Variants in EXOC4 observed in about 807,000 individuals in gnomAD.
EXOC4 encodes the protein exocyst complex component 4.
EXOC4 carries 71 observed loss-of-function variants against 107.2 expected under a neutral mutation model. The observed-to-expected ratio is 0.66, with a 90% CI of 0.55 to 0.81. The LOEUF (loss-of-function observed/expected upper bound fraction) is 0.81. EXOC4 is among the 30% of genes least tolerant of loss of function. The pLI is 0.00. For missense variants in EXOC4, 1,108 were observed against 1,189.6 expected (o/e 0.93, Z 1.01); for synonymous variants, 456 against 441.2 (o/e 1.03, Z -0.42).
At chr7:134,037,094 G>T (rs1231924921) in intron 17 of EXOC4, among the ~76,000 whole-genome samples, 1 of 152,128 alleles carries the variant, frequency 6.6e-6, no homozygotes, top group East Asian at 1.9e-4. Context: ...TGAAAAGTGA[G>T]TCAAATTAGG....
intron 17 of EXOC4, among the ~76,000 whole-genome samples, chr7:134,013,439 CATG>C (rs1231065867): frequency 6.6e-6 from 1 of 152,126 alleles, no homozygotes; most frequent in African/African-American, 2.4e-5. Flanking sequence ...GCCTAGGAGA[CATG>C]ATGACTAAAA....
intron 10 of EXOC4, among the ~76,000 whole-genome samples, chr7:133,799,106 A>G (rs552782827): frequency 2.2e-4 from 34 of 152,338 alleles, no homozygotes; most frequent in Admixed American, 1.8e-3. Flanking sequence ...ATGATTACCT[A>G]TGAAAATTGC....
chr7:133,895,580 C>G lies in EXOC4; in HGVS notation c.1735-19C>G. On this transcript the variant is annotated intron_variant, in intron 11 of 17. Transcript: ENST00000253861. ...TGACTACAGAAATCTCATATCCTCT[C>G]TTTGTTGTTCATTTCCAGAGCACAA... 6.2e-7 allele frequency: 1 copy of G among 1,612,474 alleles called. No homozygotes were observed. The highest frequency in any genetic ancestry group is 8.5e-7 in the Non-Finnish European group (1 of 1,178,904).
intron 10 of EXOC4, among the ~76,000 whole-genome samples, chr7:133,708,208 A>G (rs1022882540): frequency 2.0e-5 from 3 of 152,242 alleles, no homozygotes; most frequent in Non-Finnish European, 2.9e-5. Flanking sequence ...ATACAGAAAA[A>G]TAGGAATTCT....
intron 11 of EXOC4, among the ~76,000 whole-genome samples, chr7:133,830,819 G>A (rs562196636): frequency 1.3e-5 from 2 of 152,196 alleles, no homozygotes; most frequent in African/African-American, 2.4e-5. Context: ...CTTATTTTGC[G>A]TATATGTGTG....
At chr7:133,460,982 A>T (rs1461331774) in intron 7 of EXOC4, among the ~76,000 whole-genome samples, 1 of 152,202 alleles carries the variant, frequency 6.6e-6, no homozygotes, top group African/African-American at 2.4e-5. Flanking sequence ...TGCCAAGTCC[A>T]AATAATCATC....
intron 7 of EXOC4, among the ~76,000 whole-genome samples, chr7:133,455,207 C>A (rs1798435768): frequency 6.6e-6 from 1 of 152,244 alleles, no homozygotes; most frequent in Non-Finnish European, 1.5e-5. Context: ...GTGAGTTATA[C>A]TCTTTCTTAA....
chr7:133,527,368 C>T (rs1346369964), intron 9 of EXOC4, among the ~76,000 whole-genome samples: 1 of 152,068 alleles, frequency 6.6e-6, no homozygotes, highest in African/African-American at 2.4e-5. Flanking sequence ...TGCGCCCCTG[C>T]ACTCTAGCCT....
At chr7:133,787,534 A>G (rs1293209368) in intron 10 of EXOC4, among the ~76,000 whole-genome samples, 1 of 152,000 alleles carries the variant, frequency 6.6e-6, no homozygotes, top group African/African-American at 2.4e-5. Context: ...TTGACCTTCT[A>G]TAATAAAATA....
chr7:133,648,074 C>T (rs1276237860), intron 10 of EXOC4, among the ~76,000 whole-genome samples: 1 of 152,116 alleles, frequency 6.6e-6, no homozygotes, highest in Non-Finnish European at 1.5e-5. Flanking sequence ...TAATATAGGT[C>T]TAATTACTCG....
intron 12 of EXOC4, among the ~76,000 whole-genome samples, chr7:133,914,961 A>G (rs1346213958): frequency 6.6e-6 from 1 of 152,262 alleles, no homozygotes; most frequent in African/African-American, 2.4e-5. Flanking sequence ...AGATAAAGAA[A>G]AGAACAGATT....
intron 9 of EXOC4, among the ~76,000 whole-genome samples, chr7:133,583,933 T>G (rs1801335976): frequency 1.3e-5 from 2 of 152,100 alleles, no homozygotes; most frequent in Non-Finnish European, 2.9e-5. Flanking sequence ...GTTGCTTTAG[T>G]TAGAGATAAC....
intron 10 of EXOC4, among the ~76,000 whole-genome samples, chr7:133,643,185 C>G (rs948450402): frequency 6.6e-6 from 1 of 152,066 alleles, no homozygotes; most frequent in Non-Finnish European, 1.5e-5. Flanking sequence ...GCTGAGGGAC[C>G]CACAATAGCC....
At chr7:133,631,026 A>G (rs1585043165) in intron 10 of EXOC4, among the ~76,000 whole-genome samples, 1 of 152,196 alleles carries the variant, frequency 6.6e-6, no homozygotes, top group African/African-American at 2.4e-5. Context: ...ACACTACTGT[A>G]TGGTACATTT....
At chr7:133,726,708 A>G (rs1795222259) in intron 10 of EXOC4, among the ~76,000 whole-genome samples, 1 of 152,134 alleles carries the variant, frequency 6.6e-6, no homozygotes, top group Admixed American at 6.6e-5. Flanking sequence ...CCTCTCCTAA[A>G]TGAGTACTTC....
chr7:133,728,296 C>T (rs958338267), intron 10 of EXOC4, among the ~76,000 whole-genome samples: 1 of 152,184 alleles, frequency 6.6e-6, no homozygotes, highest in African/African-American at 2.4e-5. Context: ...ATGAAAGTAA[C>T]TATTTGCTAG....
At chr7:133,787,953 A>ATATT (rs1796611392) in intron 10 of EXOC4, among the ~76,000 whole-genome samples, 2 of 15,614 alleles carry the variant, frequency 1.3e-4, no homozygotes, top group African/African-American at 3.0e-4. Flanking sequence ...CTGTGCATAT[A>ATATT]TTTATATATT....
intron 14 of EXOC4, among the ~76,000 whole-genome samples, chr7:133,965,212 G>A (rs1340639962): frequency 6.6e-6 from 1 of 152,130 alleles, no homozygotes. Context: ...TAAGTTCTTT[G>A]TAGATTCTGG....
At chr7:133,930,308 A>G (rs1217222101) in intron 13 of EXOC4, 1 of 152,184 alleles carries the variant, frequency 6.6e-6, no homozygotes, top group Non-Finnish European at 1.5e-5. Context: ...GTTTATACCT[A>G]GTGTTGCTTG....
Sources: allele counts gnomAD v4.1 joint callset (sites outside exome capture counted in the v4.1 genomes callset), GRCh38; gene constraint gnomAD v4.1.1; transcripts MANE v1.5; gene names NCBI Gene and HGNC (gene_info 2026-07-23, HGNC 2026-07-21).